TMEM17: variants seen among roughly 807,000 people sequenced by gnomAD.
TMEM17 encodes transmembrane protein 17.
A neutral mutation model predicts 19.1 loss-of-function variants in TMEM17; 15 were observed. The observed-to-expected ratio is 0.78, with a 90% confidence interval of 0.52 to 1.21. TMEM17 has a LOEUF of 1.21. Among genes scored for constraint, TMEM17 ranks in the 50% most tolerant of loss-of-function variants. The pLI is 0.00. For missense variants in TMEM17, 245 were observed against 242.3 expected, an observed-to-expected ratio of 1.01 and a Z score of -0.07; for synonymous variants, 103 against 86.9, an observed-to-expected ratio of 1.19 and a Z score of -1.03.
At chr2:62,487,855 G>A in the TMEM17 span, among the ~76,000 whole-genome samples, 3 of 152,210 alleles carry the variant, frequency 2.0e-5, no homozygotes, top group South Asian at 2.1e-4. Context: ...CACCATGCCC[G>A]GCTAATTTTT....
Position 62,506,063 on chromosome 2 carries a change from T to G in TMEM17, c.67A>C (p.Asn23His). ...TCATTGGACTCTGGACCGGTCCGATTGGAATCACTGAACACGGCCCGGCTG... is the reference window on the plus strand; with the variant it reads ...TCATTGGACTCTGGACCGGTCCGATGGGAATCACTGAACACGGCCCGGCTG... ...NFSRAVFSDS[N>H]RTGPESNEGP... Residue 23 changes from asparagine (N) to histidine (H), a missense_variant, in exon 1 of 4, where the codon AAT becomes CAT. By Grantham distance (68) the Asn-to-His change is moderately conservative (BLOSUM62 1). Transcript: ENST00000335390. 6.2e-7 allele frequency: 1 copy of G among 1,611,032 alleles called. No homozygotes were observed. The highest frequency in any genetic ancestry group is 2.3e-5 in the East Asian group (1 of 44,432).
At chr2:62,479,786 C>G in the TMEM17 span, among the ~76,000 whole-genome samples, 16 of 148,474 alleles carry the variant, frequency 1.1e-4, no homozygotes, top group African/African-American at 4.0e-4. Flanking sequence ...ACTTGGGAAG[C>G]TGAGGTAGGA....
the TMEM17 span, among the ~76,000 whole-genome samples, chr2:62,482,534 G>C: frequency 6.6e-6 from 1 of 152,150 alleles, no homozygotes; most frequent in East Asian, 1.9e-4. Flanking sequence ...CTTAGTCAGA[G>C]GGATGAACAT....
chr2:62,471,571 G>C, the TMEM17 span, among the ~76,000 whole-genome samples: 1 of 152,216 alleles, frequency 6.6e-6, no homozygotes, highest in Admixed American at 6.5e-5. Flanking sequence ...GTAGGGCTGG[G>C]GAGTTTAATC....
chr2:62,502,834 G>T lies in TMEM17; in HGVS notation c.101-40C>A, dbSNP rs1487732438. 4 of 1,279,428 alleles carry T rather than the reference G, an allele frequency of 3.1e-6. No individual in the cohort carries two copies. The African/African-American group carries it at 4.5e-5, about 14-fold the overall frequency. The allele number at this position is 1,279,428 out of a possible 1,614,324, so 79.3% of individuals were successfully genotyped here. On this transcript the variant is annotated intron_variant, in intron 1 of 3. Transcript: ENST00000335390. ...GAAAAGGAACAAATGATGAATCTTG[G>T]GTTTATGCCCTATATATATATATCC...
chr2:62,473,323 A>T, the TMEM17 span, among the ~76,000 whole-genome samples: 1 of 152,304 alleles, frequency 6.6e-6, no homozygotes, highest in Non-Finnish European at 1.5e-5. Context: ...AAGGTTCCTG[A>T]TCCCAGGCTC....
chr2:62,495,900 C>A (rs559568716), downstream of TMEM17, among the ~76,000 whole-genome samples: 1 of 152,328 alleles, frequency 6.6e-6, no homozygotes, highest in Non-Finnish European at 1.5e-5. Context: ...AGCTTTACTT[C>A]ATTTCAGTCT....
At chr2:62,466,160 G>C in the TMEM17 span, among the ~76,000 whole-genome samples, 2 of 152,178 alleles carry the variant, frequency 1.3e-5, no homozygotes, top group South Asian at 4.1e-4. Context: ...AAGTTTTCTA[G>C]GAGTTTGGAA....
At chr2:62,493,996 C>A in the TMEM17 span, among the ~76,000 whole-genome samples, 1 of 152,150 alleles carries the variant, frequency 6.6e-6, no homozygotes, top group Non-Finnish European at 1.5e-5. Context: ...GAAAGCCTAT[C>A]CTACCCTCTA....
intron 1 of TMEM17, among the ~76,000 whole-genome samples, chr2:62,505,790 G>A (rs1025442776): frequency 2.0e-5 from 3 of 152,168 alleles, no homozygotes; most frequent in Admixed American, 6.5e-5. Flanking sequence ...CAGCTGCCGC[G>A]CTTGCAACAA....
chr2:62,467,129 C>A, the TMEM17 span, among the ~76,000 whole-genome samples: 15 of 152,018 alleles, frequency 9.9e-5, no homozygotes, highest in East Asian at 2.5e-3. Context: ...CACCCTCTTA[C>A]CCCCAATTTA....
downstream of TMEM17, among the ~76,000 whole-genome samples, chr2:62,499,794 A>G (rs543553427): frequency 6.6e-6 from 1 of 152,354 alleles, no homozygotes; most frequent in East Asian, 1.9e-4. Flanking sequence ...ATAGAAAAAA[A>G]GAAAACCTGT....
downstream of TMEM17, among the ~76,000 whole-genome samples, chr2:62,498,571 CCGGGCGTGGTGG>C (rs1407615870): frequency 6.7e-6 from 1 of 148,300 alleles, no homozygotes; most frequent in Non-Finnish European, 1.5e-5. Context: ...AAAAAATTAG[CCGGGCGTGGTGG>C]CGGGCGCCTG....
chr2:62,495,683 C>T (rs1160720962), downstream of TMEM17, among the ~76,000 whole-genome samples: 1 of 152,180 alleles, frequency 6.6e-6, no homozygotes, highest in East Asian at 1.9e-4. Flanking sequence ...TTTTCTGCCT[C>T]CATGCCTACT....
chr2:62,468,353 TTCAA>T, the TMEM17 span, among the ~76,000 whole-genome samples: 1 of 152,188 alleles, frequency 6.6e-6, no homozygotes, highest in African/African-American at 2.4e-5. Flanking sequence ...CTGTCAGGTT[TTCAA>T]AGCATGGAAA....
chr2:62,466,040 A>G, the TMEM17 span, among the ~76,000 whole-genome samples: 2 of 152,204 alleles, frequency 1.3e-5, no homozygotes, highest in Non-Finnish European at 2.9e-5. Context: ...GAACTCAAGA[A>G]GTTCCTGCCT....
the TMEM17 span, among the ~76,000 whole-genome samples, chr2:62,479,048 CAT>C: frequency 6.6e-6 from 1 of 152,208 alleles, no homozygotes; most frequent in South Asian, 2.1e-4. Flanking sequence ...TCATCTCAAA[CAT>C]GTATCATTTC....
the TMEM17 span, among the ~76,000 whole-genome samples, chr2:62,459,865 T>G: frequency 6.6e-6 from 1 of 152,262 alleles, no homozygotes; most frequent in Non-Finnish European, 1.5e-5. Context: ...CTCTAACTCC[T>G]GGACTCAGCT....
chr2:62,469,745 T>A, the TMEM17 span, among the ~76,000 whole-genome samples: 3 of 152,232 alleles, frequency 2.0e-5, no homozygotes, highest in African/African-American at 7.2e-5. Flanking sequence ...CATAGGAAAG[T>A]GTGCAAGGAG....
Sources: allele counts gnomAD v4.1 joint callset (sites outside exome capture counted in the v4.1 genomes callset), GRCh38; gene constraint gnomAD v4.1.1; transcripts MANE v1.5; gene names NCBI Gene and HGNC (gene_info 2026-07-23, HGNC 2026-07-21).